Variants in KAT6B observed in about 807,000 individuals in gnomAD.
KAT6B encodes lysine acetyltransferase 6B, also known as histone acetyltransferase KAT6B.
KAT6B carries 10 observed loss-of-function variants against 187.5 expected under a neutral mutation model. The ratio of observed to expected loss-of-function variants is 0.05; its 90% CI spans 0.03 to 0.09. The LOEUF is 0.09. KAT6B is among the 10% of genes least tolerant of loss of function. KAT6B has a pLI of 1.00. For missense variants in KAT6B, 1,952 were observed against 2,558.9 expected (o/e 0.76, Z 5.12); for synonymous variants, 861 against 926.8 (o/e 0.93, Z 1.29).
chr10:74,939,954 T>TA (rs1849545326), intron 3 of KAT6B, among the ~76,000 whole-genome samples: 1 of 152,186 alleles, frequency 6.6e-6, no homozygotes. Context: ...ACATCAATAT[T>TA]AATTAGGATG....
intron 1 of KAT6B, among the ~76,000 whole-genome samples, chr10:74,829,222 T>C (rs569732662): frequency 1.7e-4 from 26 of 152,300 alleles, no homozygotes; most frequent in African/African-American, 6.3e-4. Context: ...GGGTGGAAAC[T>C]GTCAGATGTG....
At chr10:75,001,068 C>G (rs1843800228) in intron 13 of KAT6B, among the ~76,000 whole-genome samples, 1 of 152,078 alleles carries the variant, frequency 6.6e-6, no homozygotes, top group Non-Finnish European at 1.5e-5. Flanking sequence ...GCCCCCCACA[C>G]ACATATACAG....
chr10:74,939,242 A>G (rs1849486417), intron 3 of KAT6B, among the ~76,000 whole-genome samples: 1 of 152,162 alleles, frequency 6.6e-6, no homozygotes, highest in South Asian at 2.1e-4. Context: ...CTTCCAATGT[A>G]AAGGCTGTGA....
In KAT6B at chr10:74,842,955, G is replaced by A; in HGVS notation, c.98G>A (p.Cys33Tyr). Residue 33 changes from cysteine to tyrosine, a missense_variant, in exon 3 of 18, where the codon TGC (cysteine) becomes TAC (tyrosine). By Grantham distance (194) the Cys-to-Tyr change is radical. Transcript: ENST00000287239. Reference protein sequence around the residue: ...QKQRPSEERICHAVSTSHGLD... With the variant: ...QKQRPSEERIYHAVSTSHGLD... ...CAAAGGCCCTCTGAAGAGAGAATCT[G>A]CCATGCGGTCAGTACTTCCCATGGG... 1 of 1,614,202 alleles carries A rather than the reference G, an allele frequency of 6.2e-7. No individual in the cohort carries two copies. Among genetic ancestry groups the A allele is most frequent in the African/African-American group, 1.3e-5 (1 of 75,052 alleles).
intron 13 of KAT6B, 103 bp from the exon 14 acceptor site, chr10:75,020,479 T>C (rs1034209331): frequency 5.0e-6 from 4 of 801,226 alleles, no homozygotes; most frequent in Non-Finnish European, 8.6e-6. Context: ...TTCTCTGTTG[T>C]GATGTTTTTA....
intron 9 of KAT6B, 145 bp from the exon 10 acceptor site, chr10:74,979,079 A>G: frequency 1.7e-6 from 1 of 591,372 alleles, no homozygotes; most frequent in Non-Finnish European, 3.0e-6. Flanking sequence ...CTATTTCATA[A>G]GGGTCTATAG....
chr10:74,831,360 C>T (rs969810736), intron 1 of KAT6B, among the ~76,000 whole-genome samples: 4 of 151,948 alleles, frequency 2.6e-5, no homozygotes, highest in Non-Finnish European at 4.4e-5. Context: ...TGGTTAGTGC[C>T]TTTTGTGTCT....
At position 75,030,085 on chromosome 10, in the gene KAT6B, G is replaced by C; in HGVS notation, c.5261G>C (p.Cys1754Ser). The stretch of plus-strand genomic sequence containing the variant: ...TGCAGCGTCAAGTCTCCTCAAGGCT[G>C]TGTGGTGGAGAGGCCTCCGAGCAGC... The part of the protein sequence containing the change: ...PTCSVKSPQG[C>S]VVERPPSSSQ... The change falls in exon 18 of 18, where the codon TGT becomes TCT. Residue 1754 changes from cysteine to serine, a missense_variant. Cys to Ser is a moderately radical substitution (Grantham distance 112). Around this residue, in one of 9 missense-constraint regions of KAT6B, gnomAD observed 358 missense variants for 436.3 expected, o/e 0.82. Coordinates refer to ENST00000287239, the MANE Select transcript of KAT6B (RefSeq NM_012330.4). This position sits in a 1 kb window ranked among gnomAD's most constrained non-coding sequence, Gnocchi z 4.8. 5 of 1,614,252 alleles carry C rather than the reference G, an allele frequency of 3.1e-6. No individual in the cohort carries two copies. Among genetic ancestry groups the C allele is most frequent in the Non-Finnish European group, 4.2e-6 (5 of 1,180,048 alleles).
intron 1 of KAT6B, among the ~76,000 whole-genome samples, chr10:74,827,601 T>C (rs1296651069): frequency 6.6e-6 from 1 of 151,720 alleles, no homozygotes; most frequent in African/African-American, 2.4e-5. Flanking sequence ...AACTTAAATA[T>C]GAAGGAAGGG....
chr10:75,028,587 G>A lies in KAT6B; in HGVS notation c.3763G>A (p.Gly1255Ser), dbSNP rs147574112. 1.2e-5 allele frequency: 20 copies of A among 1,614,010 alleles called. No individual in the cohort carries two copies. The highest frequency in any genetic ancestry group is 7.7e-5 in the South Asian group (7 of 91,076). ...KQVWPKGTKRGLSKWRQNKER... is the reference protein window; with the variant it reads ...KQVWPKGTKRSLSKWRQNKER... Reference sequence around the variant, plus strand: ...AGTGTGGCCAAAAGGAACAAAGCGCGGTCTATCTAAGTGGAGGCAAAACAA... The same window carrying A: ...AGTGTGGCCAAAAGGAACAAAGCGCAGTCTATCTAAGTGGAGGCAAAACAA... Residue 1255 changes from glycine to serine, a missense_variant, in exon 18 of 18, where the codon GGT becomes AGT. By Grantham distance (56) the Gly-to-Ser change is moderately conservative. This residue lies in a region of KAT6B where 758 missense variants were observed against 891.4 expected (regional missense o/e 0.85). Transcript: ENST00000287239.
chr10:74,891,570 C>T (rs929619492), intron 3 of KAT6B, among the ~76,000 whole-genome samples: 3 of 152,160 alleles, frequency 2.0e-5, no homozygotes, highest in Non-Finnish European at 4.4e-5. Context: ...TAACAAGCAA[C>T]AATTTGCAAA....
At position 75,029,258 on chromosome 10, in the gene KAT6B, C is replaced by T. The variant is rs148364222; in HGVS notation, c.4434C>T (p.Gly1478=). 184 of 1,614,124 alleles carry T rather than the reference C, an allele frequency of 1.1e-4. No individual in the cohort carries two copies. The highest frequency in any genetic ancestry group is 8.8e-4 in the African/African-American group (66 of 75,014). Reference sequence around the variant, plus strand: ...ACCCAGAGGTCTTAATGGACTGTGGCGTCGACCTGACAGCTTCTTGTAACA... The same window carrying T: ...ACCCAGAGGTCTTAATGGACTGTGGTGTCGACCTGACAGCTTCTTGTAACA... ...HSNPEVLMDC[G]VDLTASCNSE... Residue 1478 remains glycine, a synonymous_variant, in exon 18 of 18, where the codon GGC becomes GGT. Coordinates refer to ENST00000287239, the MANE Select transcript of KAT6B (RefSeq NM_012330.4). This position sits in a 1 kb window ranked among gnomAD's most constrained non-coding sequence, Gnocchi z 6.2.
At chr10:74,825,061 C>T (rs895495032), upstream of KAT6B, among the ~76,000 whole-genome samples, 1 of 152,244 alleles carries the variant, frequency 6.6e-6, no homozygotes, top group Non-Finnish European at 1.5e-5. This position sits in a 1 kb window ranked among gnomAD's most constrained non-coding sequence, Gnocchi z 5.0. Flanking sequence ...GTGCCCTGTC[C>T]GCAGTCGCTG....
upstream of KAT6B, among the ~76,000 whole-genome samples, chr10:74,824,999 C>T (rs1840087854): frequency 6.6e-6 from 1 of 152,270 alleles, no homozygotes; most frequent in South Asian, 2.1e-4. Context: ...GGGCAGCTTC[C>T]CCCTCCAGCC....
chr10:74,843,663 C>T (rs1260943982), intron 3 of KAT6B, among the ~76,000 whole-genome samples, 185 bp downstream of exon 3: 1 of 152,128 alleles, frequency 6.6e-6, no homozygotes, highest in East Asian at 1.9e-4. Context: ...GACTTCCTCA[C>T]TGGTTGGCCA....
At chr10:74,984,178 T>G (rs1273070208) in intron 11 of KAT6B, 1 of 152,206 alleles carries the variant, frequency 6.6e-6, no homozygotes, top group African/African-American at 2.4e-5. Context: ...GGACCTAGGT[T>G]CCATCCGAGG....
intron 3 of KAT6B, among the ~76,000 whole-genome samples, chr10:74,847,876 ATG>A (rs1358770955): frequency 2.0e-5 from 3 of 150,510 alleles, no homozygotes; most frequent in Admixed American, 1.3e-4. Flanking sequence ...GTGTGAAGTC[ATG>A]TGTGTGTATC....
intron 6 of KAT6B, among the ~76,000 whole-genome samples, chr10:74,971,080 C>G (rs1841820959): frequency 6.6e-6 from 1 of 152,158 alleles, no homozygotes; most frequent in Non-Finnish European, 1.5e-5. Context: ...TCCCTGCTGT[C>G]TTACGTTCCA....
At chr10:74,949,999 A>G (rs566037499) in intron 3 of KAT6B, among the ~76,000 whole-genome samples, 23 of 152,326 alleles carry the variant, frequency 1.5e-4, no homozygotes, top group African/African-American at 4.8e-4. Flanking sequence ...AGTAATACAG[A>G]TACTTAATCC....
Sources: gnomAD v4.1 joint callset for allele counts (sites outside exome capture counted in the v4.1 genomes callset) on GRCh38, gnomAD v4.1.1 for gene constraint, gnomAD v4.1.1 regional missense constraint, Gnocchi (gnomAD v3.1) non-coding constraint, MANE v1.5 for transcripts, NCBI Gene and HGNC (gene_info 2026-07-23, HGNC 2026-07-21) for gene names.